JARID2: variants seen among roughly 807,000 people sequenced by gnomAD.
JARID2 encodes jumonji and AT-rich interaction domain containing 2.
Under a neutral mutation model 125.6 loss-of-function variants are expected in JARID2, and 21 were observed. The ratio of observed to expected loss-of-function variants is 0.17; its 90% CI spans 0.12 to 0.24. The LOEUF is 0.24. Among genes scored for constraint, JARID2 ranks in the 10% least tolerant of loss-of-function variants. The pLI, the probability that JARID2 is intolerant of heterozygous loss-of-function variation, is 1.00. For synonymous variants in JARID2, 736 were observed against 661.6 expected (o/e 1.11, Z -1.73); for missense variants, 1,303 against 1,639.6 (o/e 0.79, Z 3.55).
intron 1 of JARID2, among the ~76,000 whole-genome samples, chr6:15,317,033 G>T (rs1023143574): frequency 1.3e-5 from 2 of 152,180 alleles, no homozygotes; most frequent in African/African-American, 2.4e-5. Flanking sequence ...TGAATCTTTT[G>T]TAGACAGTCT....
intron 1 of JARID2, among the ~76,000 whole-genome samples, chr6:15,270,959 AAAG>A (rs1760276313): frequency 6.6e-6 from 1 of 151,888 alleles, no homozygotes; most frequent in South Asian, 2.1e-4. Context: ...AAAGGAGAGA[AAAG>A]AAAAAACTGT....
rs201095444 is a variant in JARID2 at position 15,468,552 on chromosome 6, G to A, written c.504G>A (p.Ala168=). Residue 168 remains alanine (A), a synonymous_variant, in exon 5 of 18, where the codon GCG becomes GCA. Transcript: ENST00000341776. ...TTCTTATTCCACCAGGTTCTCCTGC[G>A]CTGCCCAACAGCATGGTGTATTTTG... ...LTFLCLRGSP[A]LPNSMVYFGS... 5.4e-5 allele frequency: 87 copies of A among 1,612,846 alleles called. 1 individual carries two copies. The highest frequency in any genetic ancestry group is 4.7e-4 in the Admixed American group (28 of 59,832).
chr6:15,356,018 T>G (rs532929955), intron 1 of JARID2, among the ~76,000 whole-genome samples: 1 of 152,272 alleles, frequency 6.6e-6, no homozygotes, highest in South Asian at 2.1e-4. Flanking sequence ...CAGCAATGTA[T>G]TTTCTGTCTT....
Position 15,286,844 on chromosome 6 carries a change from A to G in JARID2, c.45+40260A>G, listed in dbSNP as rs529648636. On this transcript the variant is annotated intron_variant, in intron 1 of 17. Coordinates refer to ENST00000341776, the MANE Select transcript of JARID2 (RefSeq NM_004973.4). ...GCCACTGCACTCCAGCCTGGGCGAC[A>G]GAGCGAGACTCCATCTCAAAAAAAA... is the stretch of plus-strand genomic sequence containing the variant. Among the ~76,000 whole-genome samples, 675 of 149,722 alleles carry G rather than the reference A, an allele frequency of 4.5e-3. 4 individuals carry two copies. Among genetic ancestry groups the G allele is most frequent in the African/African-American group, 0.016 (639 of 40,852 alleles).
intron 5 of JARID2, among the ~76,000 whole-genome samples, chr6:15,475,510 C>T (rs913347540): frequency 1.4e-4 from 22 of 152,306 alleles, no homozygotes; most frequent in African/African-American, 3.9e-4. Flanking sequence ...CTTGCATAAT[C>T]GCCTACCACC....
chr6:15,374,000 T>C, intron 1 of JARID2, 117 bp from the exon 2 acceptor site: 5 of 1,137,832 alleles, frequency 4.4e-6, no homozygotes, highest in East Asian at 2.4e-5. Flanking sequence ...CATTGAGAAC[T>C]GGGTCGTGGT....
In JARID2 at chr6:15,496,499, GGCAGCTGCGGGAGGGCCT is replaced by G. The variant is rs771140538; in HGVS notation, c.1290_1307del (p.Gln432_Leu437del). 2.7e-4 allele frequency: 428 copies of G among 1,607,500 alleles called. 1 individual carries two copies. Among genetic ancestry groups the G allele is most frequent in the East Asian group, 8.0e-4 (36 of 44,812 alleles). ...TCATGCACTAAGGAGGTGGGGGGGCGGCAGCTGCGGGAGGGCCTGCAGCTGCGGGAGGGGCTGCGGAAC... is the reference window on the plus strand; with the variant it reads ...TCATGCACTAAGGAGGTGGGGGGGCGGCAGCTGCGGGAGGGGCTGCGGAAC... On this transcript the variant is annotated inframe_deletion, in exon 7 of 18. Transcript: ENST00000341776.
intron 1 of JARID2, among the ~76,000 whole-genome samples, chr6:15,331,183 A>T (rs1369499375): frequency 3.9e-5 from 6 of 151,924 alleles, no homozygotes; most frequent in Non-Finnish European, 5.9e-5. Context: ...AAAATACAAA[A>T]ATTAGCTGGG....
intron 3 of JARID2, among the ~76,000 whole-genome samples, chr6:15,449,173 A>G (rs950929964): frequency 1.3e-5 from 2 of 152,028 alleles, no homozygotes; most frequent in Non-Finnish European, 2.9e-5. Flanking sequence ...AGAGGCAGGC[A>G]GTTGGTTGCA....
At chr6:15,348,095 TTCTG>T (rs1763302333) in intron 1 of JARID2, among the ~76,000 whole-genome samples, 1 of 147,076 alleles carries the variant, frequency 6.8e-6, no homozygotes. Flanking sequence ...TTTTGTTTTG[TTCTG>T]TTTTTTTTTT....
intron 1 of JARID2, among the ~76,000 whole-genome samples, chr6:15,353,951 C>T (rs115721667): frequency 4.1e-3 from 624 of 152,240 alleles, no homozygotes; most frequent in Non-Finnish European, 6.3e-3. Flanking sequence ...GTTCCTAAAG[C>T]GTACAGTTTA....
At chr6:15,370,353 A>G (rs1209148583) in intron 1 of JARID2, among the ~76,000 whole-genome samples, 1 of 112,306 alleles carries the variant, frequency 8.9e-6, no homozygotes, top group Non-Finnish European at 1.8e-5. Context: ...TTTTTTTTTT[A>G]AAGACTTGCT....
intron 1 of JARID2, among the ~76,000 whole-genome samples, chr6:15,361,156 A>G (rs1203787157): frequency 6.6e-6 from 1 of 152,046 alleles, no homozygotes; most frequent in African/African-American, 2.4e-5. Flanking sequence ...CTTTTTTCAC[A>G]CACGCCACAT....
In JARID2 at chr6:15,277,974, G is replaced by A. The variant is rs1030830341; in HGVS notation, c.45+31390G>A. Among the ~76,000 whole-genome samples, 19 of 152,144 alleles carry A rather than the reference G, an allele frequency of 1.2e-4. 1 individual carries two copies. Among genetic ancestry groups the A allele is most frequent in the Admixed American group, 3.9e-4 (6 of 15,272 alleles). ...TAAAAAAGGTGAACTCTGGTTGGGCGCAGTGGTTCATGCCTGTAATCCCAG... is the reference window on the plus strand; with the variant it reads ...TAAAAAAGGTGAACTCTGGTTGGGCACAGTGGTTCATGCCTGTAATCCCAG... On this transcript the variant is annotated intron_variant, in intron 1 of 17. Transcript: ENST00000341776.
chr6:15,314,410 G>A (rs1762113689), intron 1 of JARID2, among the ~76,000 whole-genome samples: 1 of 152,174 alleles, frequency 6.6e-6, no homozygotes, highest in South Asian at 2.1e-4. Context: ...CAAGCACCTG[G>A]AACAGTGCCT....
intron 4 of JARID2, among the ~76,000 whole-genome samples, chr6:15,464,791 T>C (rs1173718034): frequency 6.6e-6 from 1 of 152,238 alleles, no homozygotes; most frequent in Admixed American, 6.5e-5. Flanking sequence ...TCTTTGTTGA[T>C]TCTTTACCTT....
intron 3 of JARID2, among the ~76,000 whole-genome samples, chr6:15,417,876 C>T (rs1042091256): frequency 1.3e-5 from 2 of 152,220 alleles, no homozygotes; most frequent in African/African-American, 2.4e-5. Context: ...CACATCCTTT[C>T]GAGACTTCTC....
chr6:15,279,139 T>G (rs1196932756), intron 1 of JARID2, among the ~76,000 whole-genome samples: 7 of 134,342 alleles, frequency 5.2e-5, no homozygotes, highest in Non-Finnish European at 8.8e-5. Flanking sequence ...ACAAAATTCA[T>G]ATATACATAT....
At chr6:15,251,355 G>A (rs996921235) in intron 1 of JARID2, among the ~76,000 whole-genome samples, 4 of 152,212 alleles carry the variant, frequency 2.6e-5, no homozygotes, top group Non-Finnish European at 5.9e-5. Context: ...CCTTGCTCAT[G>A]ATGGTGTGAG....
Sources: allele counts gnomAD v4.1 joint callset (sites outside exome capture counted in the v4.1 genomes callset), GRCh38; gene constraint gnomAD v4.1.1; transcripts MANE v1.5; gene names NCBI Gene and HGNC (gene_info 2026-07-23, HGNC 2026-07-21).